The following CACNA1H variants were observed in gnomAD, a reference collection of about 807,000 sequenced individuals.
The protein encoded by CACNA1H is calcium voltage-gated channel subunit alpha1 H, also known as voltage-dependent T-type calcium channel subunit alpha-1H.
In CACNA1H, 149 loss-of-function variants were observed where a neutral mutation model predicts 192.5. The observed-to-expected ratio is 0.77, with a 90% CI of 0.68 to 0.89. CACNA1H has a LOEUF of 0.89. Ranked by LOEUF, CACNA1H falls within the 40% of genes least tolerant of loss-of-function variation. The pLI is 0.00. For synonymous variants in CACNA1H, 2,202 were observed against 1,475.2 expected (o/e 1.49, Z -11.29); for missense variants, 4,257 against 3,423.5 (o/e 1.24, Z -6.08).
At chr16:1,219,237 G>A (rs1362209104) in intron 34 of CACNA1H, 107 bp downstream of exon 34, 5 of 1,105,920 alleles carry the variant, frequency 4.5e-6, no homozygotes, top group Middle Eastern at 5.5e-4. Context: ...GCAGGAGGAG[G>A]GTCGCACTGG....
At chr16:1,168,413 C>T (rs1964019928) in intron 2 of CACNA1H, among the ~76,000 whole-genome samples, 1 of 152,112 alleles carries the variant, frequency 6.6e-6, no homozygotes, top group African/African-American at 2.4e-5. Context: ...TGTGGGGAGG[C>T]TCCTGGGCAG....
chr16:1,189,251 G>A (rs968461052), intron 2 of CACNA1H, among the ~76,000 whole-genome samples: 5 of 152,092 alleles, frequency 3.3e-5, no homozygotes, highest in Non-Finnish European at 5.9e-5. Context: ...GGTGCCAGCT[G>A]GGGAGGCCCA....
intron 14 of CACNA1H, 78 bp downstream of exon 14, chr16:1,207,508 T>TG (rs1361553311): frequency 8.3e-6 from 12 of 1,443,726 alleles, no homozygotes; most frequent in South Asian, 2.5e-5. Flanking sequence ...GGGAGGGGTG[T>TG]GGGGGGCCTG....
At position 1,186,311 on chromosome 16, in the gene CACNA1H, C is replaced by T. The variant is rs141093423; in HGVS notation, c.300-8661C>T. Among the ~76,000 whole-genome samples, 22 of 152,106 alleles carry T rather than the reference C, an allele frequency of 1.4e-4. No individual in the cohort carries two copies. The East Asian group carries it at 4.3e-3, about 29-fold the overall frequency. On this transcript the variant is annotated intron_variant, in intron 2 of 34. Transcript: ENST00000348261. ...GTGTCCCAGTGGGGCTGTTCAGAAGCTGGGCCCAGGGAGCCCTGAAGGCAG... is the reference window on the plus strand; with the variant it reads ...GTGTCCCAGTGGGGCTGTTCAGAAGTTGGGCCCAGGGAGCCCTGAAGGCAG...
chr16:1,211,317 G>GGGGTCTGCCCCGTCGCAGACA (rs751282775), intron 22 of CACNA1H, 23 bp downstream of exon 22: 5 of 1,612,580 alleles, frequency 3.1e-6, no homozygotes, highest in Non-Finnish European at 3.4e-6. Context: ...CACGTGCCCG[G>GGGGTCTGCCCCGTCGCAGACA]GGGTCTGCCC....
In CACNA1H at chr16:1,220,034, C is replaced by T. The variant is rs1339654363; in HGVS notation, c.6102C>T (p.Thr2034=). The T allele has an allele frequency of 9.2e-6, 13 of 1,414,566 alleles. No homozygotes were observed. The highest frequency in any genetic ancestry group is 3.0e-5 in the African/African-American group (2 of 66,712). 87.6% of individuals were successfully genotyped at this position (1,414,566 alleles called of 1,614,324 possible). The part of the protein sequence containing the change: ...LEGKIDSPRD[T]LDPAEPGEKT... ...GGAAGATTGACAGCCCTAGGGACAC[C>T]CTGGATCCTGCAGAGCCTGGTGAGA... Residue 2034 remains threonine (T), a synonymous_variant, in exon 35 of 35, where the codon ACC becomes ACT. Transcript: ENST00000348261.
chr16:1,167,710 C>G lies in CACNA1H; in HGVS notation c.299+13674C>G, dbSNP rs117434006. On this transcript the variant is annotated intron_variant, in intron 2 of 34. Coordinates refer to ENST00000348261, the MANE Select transcript of CACNA1H (RefSeq NM_021098.3). This position sits in a 1 kb window ranked among gnomAD's most constrained non-coding sequence, Gnocchi z 4.2. ...CAAGCCGGCTCCTGGCTAGGGACCC[C>G]GAGACCCCTCCTTTGCTTCCTGAAA... 6.6e-6 allele frequency among the ~76,000 whole-genome samples: 1 copy of G among 152,196 alleles called. No homozygotes were observed. The highest frequency in any genetic ancestry group is 2.4e-5 in the African/African-American group (1 of 41,432).
intron 28 of CACNA1H, 45 bp downstream of exon 28, chr16:1,215,126 C>T (rs776721029): frequency 1.3e-6 from 2 of 1,588,772 alleles, no homozygotes; most frequent in South Asian, 2.3e-5. Context: ...CCCCTCAGGG[C>T]TCTGGGGGCT....
In CACNA1H at chr16:1,211,962, A is replaced by G. The variant is rs753973801; in HGVS notation, c.4583A>G (p.Asn1528Ser). 18 of 1,613,258 alleles carry G rather than the reference A, an allele frequency of 1.1e-5. No homozygotes were observed. The highest frequency in any genetic ancestry group is 1.4e-5 in the Non-Finnish European group (17 of 1,179,616). The stretch of plus-strand genomic sequence containing the variant: ...GTGCCACAGCCTGTGCAGAACCACA[A>G]CCCCTGGATGCTGCTGTACTTCATC... ...GVDQQPVQNH[N>S]PWMLLYFISF... Residue 1528 changes from asparagine to serine, a missense_variant, in exon 25 of 35, where the codon AAC becomes AGC. Physicochemically the swap from Asn to Ser is conservative, Grantham distance 46. Transcript: ENST00000348261.
Position 1,210,352 on chromosome 16 carries a change from C to G in CACNA1H, c.3846-18C>G. The G allele has an allele frequency of 2.6e-6, 3 of 1,169,686 alleles. No homozygotes were observed. The highest frequency in any genetic ancestry group is 1.5e-5 in the African/African-American group (1 of 64,590). The allele number at this position is 1,169,686 out of a possible 1,614,324, so 72.5% of individuals were successfully genotyped here. A position where few individuals can be genotyped will look rare whatever the true frequency, so the allele number is the denominator to read the frequency against. On this transcript the variant is annotated intron_variant, in intron 18 of 34. Coordinates refer to ENST00000348261, the MANE Select transcript of CACNA1H (RefSeq NM_021098.3). ...CACGCCGCCCCGCCCCACCTCTCAC[C>G]CGCCCCCGCCCACCCAGGTTCCGCG...
chr16:1,175,608 G>C (rs1373793350), intron 2 of CACNA1H, among the ~76,000 whole-genome samples: 1 of 152,202 alleles, frequency 6.6e-6, no homozygotes, highest in Non-Finnish European at 1.5e-5. Flanking sequence ...GCTGACAGCT[G>C]GCCCCGTCCA....
chr16:1,172,365 C>T (rs764474628), intron 2 of CACNA1H, among the ~76,000 whole-genome samples: 3 of 152,182 alleles, frequency 2.0e-5, no homozygotes, highest in South Asian at 2.1e-4. Flanking sequence ...TCTACCTGGG[C>T]CCCTCTCACG....
Position 1,206,131 on chromosome 16 carries a change from C to CG in CACNA1H, c.2633dup (p.Gly879TrpfsTer75). 2 of 1,585,072 alleles carry CG rather than the reference C, an allele frequency of 1.3e-6. No individual in the cohort carries two copies. Among genetic ancestry groups the CG allele is most frequent in the Admixed American group, 3.5e-5 (2 of 56,860 alleles). On this transcript the variant is annotated frameshift_variant, in exon 12 of 35. Transcript: ENST00000348261. LOFTEE classifies it high-confidence loss of function. ...TCTGGGAGATCGTGGGGCAGGCGGA[C>CG]GGTGGCTTGTCTGTGCTGCGCACCT...
chr16:1,184,882 C>T (rs921035939), intron 2 of CACNA1H, among the ~76,000 whole-genome samples: 1 of 141,066 alleles, frequency 7.1e-6, no homozygotes, highest in Non-Finnish European at 1.5e-5. Flanking sequence ...GGTTCACGTA[C>T]CATGGGATTA....
At chr16:1,193,467 C>T (rs1966791796) in intron 2 of CACNA1H, among the ~76,000 whole-genome samples, 1 of 152,246 alleles carries the variant, frequency 6.6e-6, no homozygotes, top group Admixed American at 6.5e-5. Flanking sequence ...GGACTGTGCT[C>T]TGAGGCTTGC....
intron 2 of CACNA1H, chr16:1,157,186 G>T (rs913144001): frequency 6.6e-6 from 1 of 152,154 alleles, no homozygotes; most frequent in Non-Finnish European, 1.5e-5. Flanking sequence ...CCCTGCTTCG[G>T]TCCCTGCGAG....
intron 26 of CACNA1H, among the ~76,000 whole-genome samples, chr16:1,213,468 C>T (rs931210182): frequency 7.9e-5 from 12 of 152,182 alleles, no homozygotes; most frequent in African/African-American, 2.4e-4. Flanking sequence ...CTGCCTGGCG[C>T]AACCGCGTTG....
At chr16:1,187,716 G>A (rs1201502299) in intron 2 of CACNA1H, among the ~76,000 whole-genome samples, 2 of 151,352 alleles carry the variant, frequency 1.3e-5, no homozygotes, top group African/African-American at 2.5e-5. Flanking sequence ...GACCATAGAG[G>A]AGGAGCCAGG....
rs1266105985 is a variant in CACNA1H, at chr16:1,185,628, G to GTA, written c.300-9344_300-9343insTA. Reference sequence around the variant, plus strand: ...CGTAGGGGCCGGAGGCGGGGTACGTGGGGGGCGGGCGAGTAGACGGTCGGC... The same window carrying GTA: ...CGTAGGGGCCGGAGGCGGGGTACGTGTAGGGGGCGGGCGAGTAGACGGTCGGC... On this transcript the variant is annotated intron_variant, in intron 2 of 34. Coordinates refer to ENST00000348261, the MANE Select transcript of CACNA1H (RefSeq NM_021098.3). Among the ~76,000 whole-genome samples, 27 of 138,542 alleles carry GTA rather than the reference G, an allele frequency of 1.9e-4. 1 individual carries two copies. Among genetic ancestry groups the GTA allele is most frequent in the African/African-American group, 5.1e-4 (16 of 31,564 alleles). The allele number at this position is 138,542 out of a possible 152,430, so 90.9% of individuals were successfully genotyped here. A position where few individuals can be genotyped will look rare whatever the true frequency, so the allele number is the denominator to read the frequency against.
Sources: allele counts gnomAD v4.1 joint callset (sites outside exome capture counted in the v4.1 genomes callset), GRCh38; gene constraint gnomAD v4.1.1; non-coding constraint Gnocchi (gnomAD v3.1); transcripts MANE v1.5; gene names NCBI Gene and HGNC (gene_info 2026-07-23, HGNC 2026-07-21).